XKR6: variants seen among roughly 807,000 people sequenced by gnomAD.
XKR6 encodes the protein XK related 6.
In XKR6, 22 loss-of-function variants were observed where a neutral mutation model predicts 56.7. That is an observed-to-expected ratio of 0.39 (90% CI 0.28 to 0.55). The LOEUF (loss-of-function observed/expected upper bound fraction) is 0.55, where lower values mean the gene tolerates loss of function less well. Ranked by LOEUF, XKR6 falls within the 20% of genes least tolerant of loss-of-function variation. XKR6 has a pLI of 0.66. For missense variants in XKR6, 852 were observed against 889.0 expected (o/e 0.96, Z 0.53); for synonymous variants, 524 against 387.8 (o/e 1.35, Z -4.13).
At chr8:10,992,524 C>G (rs1156941964) in intron 1 of XKR6, among the ~76,000 whole-genome samples, 1 of 152,190 alleles carries the variant, frequency 6.6e-6, no homozygotes, top group Non-Finnish European at 1.5e-5. Context: ...AAACTCAGGG[C>G]TCAACCTTGA....
chr8:11,121,075 AT>A (rs764506701), intron 1 of XKR6, among the ~76,000 whole-genome samples: 2 of 152,238 alleles, frequency 1.3e-5, no homozygotes, highest in Non-Finnish European at 2.9e-5. Flanking sequence ...ACCTAAAACC[AT>A]AAAAACCCTA....
intron 1 of XKR6, among the ~76,000 whole-genome samples, chr8:11,196,616 A>C (rs1381426721): frequency 6.6e-6 from 1 of 152,240 alleles, no homozygotes; most frequent in African/African-American, 2.4e-5. Context: ...TTCTGCCATC[A>C]TATTTATTAA....
intron 1 of XKR6, among the ~76,000 whole-genome samples, chr8:10,977,778 A>T (rs772124813): frequency 1.2e-4 from 18 of 151,748 alleles, no homozygotes; most frequent in South Asian, 8.5e-4. Context: ...GACCACTGTC[A>T]CAGGAGTAAT....
At chr8:11,117,047 T>C (rs576757493) in intron 1 of XKR6, among the ~76,000 whole-genome samples, 8 of 152,354 alleles carry the variant, frequency 5.3e-5, no homozygotes, top group Non-Finnish European at 1.0e-4. Context: ...TGATGAATTC[T>C]AGTGAGTTAG....
At chr8:11,145,704 G>A (rs994539379) in intron 1 of XKR6, among the ~76,000 whole-genome samples, 1 of 152,158 alleles carries the variant, frequency 6.6e-6, no homozygotes, top group Non-Finnish European at 1.5e-5. Context: ...AGAAATTAAA[G>A]ATCTAAATAA....
At chr8:10,954,844 G>C (rs1216608073) in intron 1 of XKR6, among the ~76,000 whole-genome samples, 1 of 133,244 alleles carries the variant, frequency 7.5e-6, no homozygotes, top group African/African-American at 2.8e-5. Flanking sequence ...TATGATGTAA[G>C]GTAAGGGTCT....
chr8:11,043,967 GTTC>G (rs1799347295), intron 1 of XKR6, among the ~76,000 whole-genome samples: 1 of 152,194 alleles, frequency 6.6e-6, no homozygotes, highest in South Asian at 2.1e-4. Flanking sequence ...CTGTCACAGG[GTTC>G]TTCTTTTTCT....
intron 1 of XKR6, among the ~76,000 whole-genome samples, chr8:11,043,771 T>A (rs1197739859): frequency 6.6e-6 from 1 of 152,250 alleles, no homozygotes; most frequent in African/African-American, 2.4e-5. Flanking sequence ...CACCTCATTA[T>A]ACATACTCCC....
chr8:10,912,067 G>C (rs976060062), intron 2 of XKR6, among the ~76,000 whole-genome samples: 2 of 149,272 alleles, frequency 1.3e-5, no homozygotes, highest in African/African-American at 4.9e-5. Context: ...GAAAGGACGT[G>C]TATACATAGA....
At chr8:11,151,153 G>A (rs1012137176) in intron 1 of XKR6, among the ~76,000 whole-genome samples, 27 of 152,002 alleles carry the variant, frequency 1.8e-4, no homozygotes, top group African/African-American at 6.5e-4. Context: ...TTTCTCCCCC[G>A]CAAGTGACAT....
At chr8:10,906,325 T>G (rs190930121) in intron 2 of XKR6, among the ~76,000 whole-genome samples, 7 of 152,296 alleles carry the variant, frequency 4.6e-5, no homozygotes, top group Middle Eastern at 3.4e-3. Flanking sequence ...CTTGAAAAGC[T>G]TGGTGGGTGT....
chr8:11,201,702 C>T lies in XKR6; in HGVS notation c.-363G>A, dbSNP rs1804255806. On this transcript the variant is annotated 5_prime_UTR_variant, in exon 1 of 3. Transcript: ENST00000416569. The stretch of plus-strand genomic sequence containing the variant: ...GAAACCCATCAGGTTGACCCCTCGG[C>T]GTTTCAGAATCCGGCTGGCCCGAGT... Among the ~76,000 whole-genome samples, 1 of 152,218 alleles carries T rather than the reference C, an allele frequency of 6.6e-6. No individual in the cohort carries two copies. The highest frequency in any genetic ancestry group is 1.5e-5 in the Non-Finnish European group (1 of 68,036).
chr8:11,113,866 T>C (rs1799026279), intron 1 of XKR6: 1 of 230,692 alleles, frequency 4.3e-6, no homozygotes, highest in East Asian at 1.2e-4. Flanking sequence ...GTATGTTGTT[T>C]AATACCTTTG....
intron 1 of XKR6, chr8:11,194,619 G>A: frequency 6.6e-6 from 1 of 152,478 alleles, no homozygotes; most frequent in Non-Finnish European, 1.5e-5. Context: ...ATCATCCTGG[G>A]GTGAAAATGG....
intron 1 of XKR6, among the ~76,000 whole-genome samples, chr8:11,017,654 C>T (rs1052037756): frequency 2.2e-4 from 34 of 152,208 alleles, no homozygotes; most frequent in African/African-American, 8.2e-4. Flanking sequence ...TCACTTGATC[C>T]ATGTGGCAGT....
At chr8:10,999,648 AAGG>A (rs1798194175) in intron 1 of XKR6, among the ~76,000 whole-genome samples, 1 of 152,210 alleles carries the variant, frequency 6.6e-6, no homozygotes, top group Non-Finnish European at 1.5e-5. Flanking sequence ...AGTTCTAAAA[AAGG>A]ATGTTCTGCA....
chr8:11,099,330 T>G (rs911784721), intron 1 of XKR6, among the ~76,000 whole-genome samples: 1 of 152,252 alleles, frequency 6.6e-6, no homozygotes, highest in African/African-American at 2.4e-5. Flanking sequence ...GCCCAATAAA[T>G]ACCTGTTAAA....
chr8:10,941,547 T>C lies in XKR6; in HGVS notation c.765-16717A>G, dbSNP rs1031882558. ...GCAGGACCTTCAGCCCCGCAGGCAG[T>C]CTCTGAGCCTGATTTTGCCCTGCAC... On this transcript the variant is annotated intron_variant, in intron 1 of 2. Transcript: ENST00000416569. Among the ~76,000 whole-genome samples, 9 of 152,198 alleles carry C rather than the reference T, an allele frequency of 5.9e-5. 1 individual carries two copies. The highest frequency in any genetic ancestry group is 2.4e-5 in the African/African-American group (1 of 41,460).
At chr8:11,125,050 C>A (rs1799695803) in intron 1 of XKR6, among the ~76,000 whole-genome samples, 1 of 146,878 alleles carries the variant, frequency 6.8e-6, no homozygotes, top group Non-Finnish European at 1.5e-5. Context: ...GATCACGCCA[C>A]TGCACTCCAG....
Sources: allele counts gnomAD v4.1 joint callset (sites outside exome capture counted in the v4.1 genomes callset), GRCh38; gene constraint gnomAD v4.1.1; transcripts MANE v1.5; gene names NCBI Gene and HGNC (gene_info 2026-07-23, HGNC 2026-07-21).